The following ADAMTS17 variants were observed in gnomAD, a reference collection of about 807,000 sequenced individuals.
The protein encoded by ADAMTS17 is ADAM metallopeptidase with thrombospondin type 1 motif 17, also known as A disintegrin and metalloproteinase with thrombospondin motifs 17.
In ADAMTS17, 113 loss-of-function variants were observed where a neutral mutation model predicts 141.5. That is an observed-to-expected ratio of 0.80 (90% CI 0.69 to 0.93). ADAMTS17 has a LOEUF of 0.93. Ranked by LOEUF, ADAMTS17 falls within the 40% of genes least tolerant of loss-of-function variation. ADAMTS17 has a pLI of 0.00. For missense variants in ADAMTS17, 1,659 were observed against 1,517.9 expected (o/e 1.09, Z -1.54); for synonymous variants, 768 against 630.6 (o/e 1.22, Z -3.27).
At chr15:100,162,882 A>G (rs1177555312) in intron 8 of ADAMTS17, among the ~76,000 whole-genome samples, 1 of 146,746 alleles carries the variant, frequency 6.8e-6, no homozygotes, top group East Asian at 2.0e-4. Flanking sequence ...CTATATGTAT[A>G]TATATGTGTA....
intron 8 of ADAMTS17, among the ~76,000 whole-genome samples, chr15:100,179,603 G>T (rs1289837222): frequency 6.6e-6 from 1 of 152,170 alleles, no homozygotes; most frequent in Non-Finnish European, 1.5e-5. Flanking sequence ...TCTATTTTTA[G>T]TTTATTGAGG....
At chr15:100,223,739 T>C (rs539917687) in intron 7 of ADAMTS17, among the ~76,000 whole-genome samples, 1 of 141,612 alleles carries the variant, frequency 7.1e-6, no homozygotes, top group Admixed American at 6.8e-5. Context: ...TATACACATG[T>C]ATGTGTATAT....
chr15:100,084,522 C>T (rs950543615), intron 15 of ADAMTS17, among the ~76,000 whole-genome samples: 47 of 152,250 alleles, frequency 3.1e-4, no homozygotes, highest in African/African-American at 1.1e-3. Context: ...AGCTTGAGAT[C>T]TGAGAACAGG....
intron 8 of ADAMTS17, among the ~76,000 whole-genome samples, chr15:100,156,473 G>A (rs2141378309): frequency 6.6e-6 from 1 of 152,294 alleles, no homozygotes; most frequent in African/African-American, 2.4e-5. Flanking sequence ...CATGTGTTCT[G>A]GAACTTTGGG....
chr15:100,222,347 C>G (rs1395502030), intron 7 of ADAMTS17, among the ~76,000 whole-genome samples: 1 of 152,186 alleles, frequency 6.6e-6, no homozygotes, highest in Non-Finnish European at 1.5e-5. Flanking sequence ...ATGCTCCTGC[C>G]AGCCCACGTA....
chr15:100,128,115 C>T (rs1167330838), intron 12 of ADAMTS17, among the ~76,000 whole-genome samples: 1 of 152,044 alleles, frequency 6.6e-6, no homozygotes, highest in African/African-American at 2.4e-5. Context: ...GATGGTGGTG[C>T]TATTTACTGA....
intron 4 of ADAMTS17, among the ~76,000 whole-genome samples, chr15:100,275,179 G>A (rs1399748403): frequency 3.3e-5 from 5 of 152,204 alleles, no homozygotes; most frequent in Admixed American, 3.3e-4. Context: ...CACGTAAGCA[G>A]AGCATTCCTG....
chr15:100,090,314 C>G (rs958988150), intron 15 of ADAMTS17, among the ~76,000 whole-genome samples: 1 of 152,190 alleles, frequency 6.6e-6, no homozygotes, highest in Non-Finnish European at 1.5e-5. Context: ...CAAACAAGAT[C>G]CGCTTGTGGG....
chr15:100,305,130 G>C (rs1023406397), intron 3 of ADAMTS17, among the ~76,000 whole-genome samples: 1 of 152,110 alleles, frequency 6.6e-6, no homozygotes, highest in African/African-American at 2.4e-5. Context: ...CAGGAGCAGA[G>C]GGGGAGGGTC....
At chr15:100,339,246 G>T in intron 2 of ADAMTS17, 1 of 792,902 alleles carries the variant, frequency 1.3e-6, no homozygotes, top group Non-Finnish European at 1.5e-6. Flanking sequence ...ACAGGGCCCA[G>T]CCCTCATTCT....
At position 100,294,913 on chromosome 15, in the gene ADAMTS17, A is replaced by C. The variant is rs139224984; in HGVS notation, c.617-13512T>G. On this transcript the variant is annotated intron_variant, in intron 3 of 21. Transcript: ENST00000268070. ...AATGTCTCTCACCAAGGTGGGAAGC[A>C]GAGTGCATGAGTCCTTCTCCTTGGG... 1.3e-3 allele frequency among the ~76,000 whole-genome samples: 200 copies of C among 152,340 alleles called. 1 individual carries two copies. Among genetic ancestry groups the C allele is most frequent in the African/African-American group, 4.5e-3 (187 of 41,582 alleles).
At chr15:100,180,817 T>C (rs754936454) in intron 8 of ADAMTS17, among the ~76,000 whole-genome samples, 6 of 152,226 alleles carry the variant, frequency 3.9e-5, no homozygotes, top group Admixed American at 3.3e-4. Flanking sequence ...AACCACTACC[T>C]AGATACTGCC....
At chr15:100,322,677 G>A (rs2045766391) in intron 3 of ADAMTS17, among the ~76,000 whole-genome samples, 1 of 152,158 alleles carries the variant, frequency 6.6e-6, no homozygotes, top group Non-Finnish European at 1.5e-5. Flanking sequence ...AATGCTCAAG[G>A]ACTTAAAGGA....
At chr15:100,201,943 C>T (rs2035349) in intron 7 of ADAMTS17, among the ~76,000 whole-genome samples, 24,082 of 152,246 alleles carry the variant, frequency 0.16, 2,126 homozygotes, top group East Asian at 0.22. Context: ...TGCACGCACA[C>T]GCTCAGACAC....
At position 99,976,237 on chromosome 15, in the gene ADAMTS17, C is replaced by T. The variant is rs1415486258; in HGVS notation, c.2950-15G>A. ...GTCGACGAGCACTGCAGAGACAGGA[C>T]AGCCTGAGTGGGGCTGACATGAGGT... On this transcript the variant is annotated splice_polypyrimidine_tract_variant and intron_variant, in intron 20 of 21. Coordinates refer to ENST00000268070, the MANE Select transcript of ADAMTS17 (RefSeq NM_139057.4). 6.5e-7 allele frequency: 1 copy of T among 1,541,342 alleles called. No homozygotes were observed. Among genetic ancestry groups the T allele is most frequent in the African/African-American group, 1.4e-5 (1 of 72,934 alleles).
Position 100,008,347 on chromosome 15 carries a change from A to T in ADAMTS17, c.2592-10758T>A, listed in dbSNP as rs2061079999. Among the ~76,000 whole-genome samples the T allele has an allele frequency of 3.3e-5, 5 of 152,156 alleles. No individual in the cohort carries two copies. In the South Asian group the frequency reaches 6.2e-4, roughly 19 times the overall value. ...CCAGGGGAAGCACCCAGGGTGACCA[A>T]GAGGTAGAAGCAGCCACTGAGAACA... On this transcript the variant is annotated intron_variant, in intron 18 of 21. Coordinates refer to ENST00000268070, the MANE Select transcript of ADAMTS17 (RefSeq NM_139057.4).
At chr15:100,206,126 G>A (rs777864004) in intron 7 of ADAMTS17, among the ~76,000 whole-genome samples, 19 of 152,236 alleles carry the variant, frequency 1.2e-4, no homozygotes, top group Non-Finnish European at 1.8e-4. Context: ...GGGCGGCACC[G>A]TGAATGCAGC....
At chr15:100,084,914 G>A (rs2034999081) in intron 15 of ADAMTS17, among the ~76,000 whole-genome samples, 2 of 152,272 alleles carry the variant, frequency 1.3e-5, no homozygotes, top group South Asian at 4.1e-4. Context: ...AGAAAAACTG[G>A]AAACGCTAAA....
intron 20 of ADAMTS17, among the ~76,000 whole-genome samples, chr15:99,992,190 TGCTA>T (rs1471151853): frequency 6.6e-6 from 1 of 151,354 alleles, no homozygotes; most frequent in African/African-American, 2.4e-5. Context: ...AAAAAAAAAA[TGCTA>T]GCCACTAATT....
Sources: gnomAD v4.1 joint callset for allele counts (sites outside exome capture counted in the v4.1 genomes callset) on GRCh38, gnomAD v4.1.1 for gene constraint, MANE v1.5 for transcripts, NCBI Gene and HGNC (gene_info 2026-07-23, HGNC 2026-07-21) for gene names.